The following CEP170 variants were observed in gnomAD, a reference collection of about 807,000 sequenced individuals.
The protein encoded by CEP170 is centrosomal protein of 170 kDa.
Under a neutral mutation model 151.9 loss-of-function variants are expected in CEP170, and 21 were observed. The ratio of observed to expected loss-of-function variants is 0.14; its 90% CI spans 0.10 to 0.20. CEP170 has a LOEUF of 0.20. Ranked by LOEUF, CEP170 falls within the 10% of genes least tolerant of loss-of-function variation. The probability of loss-of-function intolerance (pLI) is 1.00; values close to 1 mark genes in which losing one functional copy is unlikely to be tolerated. For missense variants in CEP170, 964 were observed against 1,892.9 expected (o/e 0.51, Z 9.11); for synonymous variants, 356 against 648.8 (o/e 0.55, Z 6.86).
intron 5 of CEP170, 21 bp from the exon 6 acceptor site, chr1:243,200,701 G>A: frequency 6.3e-7 from 1 of 1,586,312 alleles, no homozygotes; most frequent in Non-Finnish European, 8.6e-7. Flanking sequence ...TTTAAAAATG[G>A]AAGTGAAACA....
intron 3 of CEP170, chr1:243,221,458 G>T: frequency 2.4e-6 from 1 of 411,466 alleles, no homozygotes; most frequent in East Asian, 4.1e-5. Flanking sequence ...TCAAGCTTAG[G>T]TTCCAACTCC....
At chr1:243,245,172 C>A (rs1395218247) in intron 1 of CEP170, among the ~76,000 whole-genome samples, 1 of 151,622 alleles carries the variant, frequency 6.6e-6, no homozygotes, top group Non-Finnish European at 1.5e-5. Context: ...GGCACACATA[C>A]AAGCAACTCA....
At chr1:243,231,751 A>C (rs2063780957) in intron 1 of CEP170, among the ~76,000 whole-genome samples, 1 of 152,198 alleles carries the variant, frequency 6.6e-6, no homozygotes, top group Admixed American at 6.5e-5. Context: ...ATTTTTAAAA[A>C]GACAATAATA....
At chr1:243,248,813 C>G (rs981096606) in intron 1 of CEP170, among the ~76,000 whole-genome samples, 2 of 152,138 alleles carry the variant, frequency 1.3e-5, no homozygotes, top group Non-Finnish European at 2.9e-5. Context: ...CACTTAAAAT[C>G]AATGAATAAA....
At chr1:243,202,251 G>T (rs2061093620) in intron 4 of CEP170, among the ~76,000 whole-genome samples, 1 of 152,048 alleles carries the variant, frequency 6.6e-6, no homozygotes, top group Admixed American at 6.6e-5. Flanking sequence ...CTAAGCTATG[G>T]GTACACAAAG....
intron 10 of CEP170, among the ~76,000 whole-genome samples, chr1:243,183,710 G>A (rs1250949679): frequency 6.6e-6 from 1 of 152,004 alleles, no homozygotes; most frequent in Non-Finnish European, 1.5e-5. Flanking sequence ...TTCATTTTCT[G>A]GTTTATACAA....
At chr1:243,170,272 C>T (rs2148601227) in intron 11 of CEP170, among the ~76,000 whole-genome samples, 1 of 152,068 alleles carries the variant, frequency 6.6e-6, no homozygotes, top group Middle Eastern at 3.4e-3. Context: ...GTAATCCCAG[C>T]TACTTGGGAG....
At chr1:243,196,396 G>A (rs766577320) in intron 7 of CEP170, among the ~76,000 whole-genome samples, 1 of 151,938 alleles carries the variant, frequency 6.6e-6, no homozygotes, top group African/African-American at 2.4e-5. Context: ...GTACCTTTAG[G>A]TATTGCTGTG....
At chr1:243,235,049 A>G (rs2064130624) in intron 1 of CEP170, among the ~76,000 whole-genome samples, 1 of 152,212 alleles carries the variant, frequency 6.6e-6, no homozygotes, top group African/African-American at 2.4e-5. Flanking sequence ...AGTACTATAA[A>G]ATAAAACCCA....
chr1:243,130,599 G>C (rs1333084501), intron 17 of CEP170, among the ~76,000 whole-genome samples: 2 of 152,068 alleles, frequency 1.3e-5, no homozygotes, highest in African/African-American at 4.8e-5. Context: ...TTTTCAGTAA[G>C]CCTGGAAATC....
intron 3 of CEP170, among the ~76,000 whole-genome samples, chr1:243,220,711 C>T (rs1005275616): frequency 1.6e-4 from 24 of 152,276 alleles, no homozygotes; most frequent in African/African-American, 5.5e-4. Flanking sequence ...AGGAACAACA[C>T]AGTATTTGCT....
intron 4 of CEP170, among the ~76,000 whole-genome samples, chr1:243,208,374 CAAA>C (rs905403259): frequency 1.3e-5 from 2 of 148,418 alleles, no homozygotes; most frequent in African/African-American, 4.9e-5. Context: ...TAAAAAAAAA[CAAA>C]AACAAAAACG....
intron 1 of CEP170, among the ~76,000 whole-genome samples, chr1:243,231,697 G>C (rs1026807305): frequency 1.3e-5 from 2 of 151,988 alleles, no homozygotes; most frequent in African/African-American, 2.4e-5. Flanking sequence ...AAAATATACA[G>C]TGAAAGAAAG....
intron 3 of CEP170, among the ~76,000 whole-genome samples, chr1:243,217,506 C>T (rs1248622410): frequency 2.6e-5 from 4 of 152,162 alleles, no homozygotes; most frequent in Non-Finnish European, 5.9e-5. Context: ...TAGGCACTTT[C>T]AGAGATCGAG....
chr1:243,152,773 T>C (rs1199988238), intron 14 of CEP170, among the ~76,000 whole-genome samples: 9 of 148,582 alleles, frequency 6.1e-5, no homozygotes, highest in Admixed American at 2.7e-4. Flanking sequence ...CCTCGTGATC[T>C]GCCTGCCTCG....
chr1:243,189,340 A>T (rs1037869081), intron 8 of CEP170, among the ~76,000 whole-genome samples: 15 of 152,066 alleles, frequency 9.9e-5, no homozygotes, highest in Admixed American at 5.2e-4. Flanking sequence ...GTGGATCACG[A>T]GGTCAGGAGA....
In CEP170 at chr1:243,165,292, T is replaced by C; in HGVS notation, c.2668A>G (p.Thr890Ala). 1 of 1,523,488 alleles carries C rather than the reference T, an allele frequency of 6.6e-7. No individual in the cohort carries two copies. Among genetic ancestry groups the C allele is most frequent in the East Asian group, 2.4e-5 (1 of 42,482 alleles). The allele number at this position is 1,523,488 out of a possible 1,614,324, so 94.4% of individuals were successfully genotyped here. The change falls in exon 13 of 20, where the codon ACA becomes GCA. Residue 890 changes from threonine to alanine, a missense_variant. Transcript: ENST00000366542. ...ESLDPDSSMD[T>A]TLILKDTEAV... ...TCTGTGTCTTTTAGAATAAGGGTTG[T>C]GTCCATACTAGAATCAGGATCCAAA...
intron 7 of CEP170, among the ~76,000 whole-genome samples, chr1:243,194,831 A>C (rs1284150754): frequency 2.6e-5 from 4 of 151,912 alleles, no homozygotes; most frequent in African/African-American, 9.7e-5. Flanking sequence ...TATATTATTA[A>C]TCTCAATTAC....
At chr1:243,215,356 A>G (rs1157263196) in intron 3 of CEP170, among the ~76,000 whole-genome samples, 4 of 152,186 alleles carry the variant, frequency 2.6e-5, no homozygotes, top group African/African-American at 4.8e-5. Context: ...GGCAGAACAG[A>G]GCCATATTTC....
Sources: allele counts gnomAD v4.1 joint callset (sites outside exome capture counted in the v4.1 genomes callset), GRCh38; gene constraint gnomAD v4.1.1; transcripts MANE v1.5; gene names NCBI Gene and HGNC (gene_info 2026-07-23, HGNC 2026-07-21).